Variants in PGPEP1L observed in about 807,000 individuals in gnomAD.
PGPEP1L encodes pyroglutamyl-peptidase I like, also known as pyroglutamyl-peptidase 1-like protein.
Under a neutral mutation model 6.0 loss-of-function variants are expected in PGPEP1L, and 7 were observed. The ratio of observed to expected loss-of-function variants is 1.17; its 90% CI spans 0.66 to 2.19. PGPEP1L has a LOEUF of 2.19. PGPEP1L is among the 30% of genes most tolerant of loss of function. The pLI is 0.00. For synonymous variants in PGPEP1L, 103 were observed against 83.9 expected (o/e 1.23, Z -1.24); for missense variants, 209 against 192.5 (o/e 1.09, Z -0.51).
chr15:98,985,370 C>T (rs1344484690), intron 2 of PGPEP1L, among the ~76,000 whole-genome samples: 1 of 152,182 alleles, frequency 6.6e-6, no homozygotes, highest in Non-Finnish European at 1.5e-5. Flanking sequence ...GAAACCTCAT[C>T]TCTACTAAAC....
chr15:98,989,560 G>A (rs2017792103), intron 2 of PGPEP1L, among the ~76,000 whole-genome samples: 1 of 152,220 alleles, frequency 6.6e-6, no homozygotes, highest in African/African-American at 2.4e-5. Context: ...ACACTATTCA[G>A]GGTATTATCC....
At chr15:99,001,825 C>T (rs979011448) in intron 2 of PGPEP1L, among the ~76,000 whole-genome samples, 6 of 152,182 alleles carry the variant, frequency 3.9e-5, no homozygotes, top group Non-Finnish European at 8.8e-5. Flanking sequence ...TCAAGCAATT[C>T]TCCTGCCTCA....
chr15:98,992,787 ACAG>A (rs1182152932), intron 2 of PGPEP1L, among the ~76,000 whole-genome samples: 1 of 152,202 alleles, frequency 6.6e-6, no homozygotes, highest in Non-Finnish European at 1.5e-5. Flanking sequence ...CTCAGAAATA[ACAG>A]CACACATCTA....
At chr15:98,993,450 G>C (rs2017844709) in intron 2 of PGPEP1L, among the ~76,000 whole-genome samples, 1 of 152,328 alleles carries the variant, frequency 6.6e-6, no homozygotes, top group Middle Eastern at 3.4e-3. Context: ...GGAAACAACA[G>C]ATGCTGGAGA....
chr15:99,003,285 A>G (rs187101089), intron 2 of PGPEP1L, among the ~76,000 whole-genome samples: 33 of 151,532 alleles, frequency 2.2e-4, no homozygotes, highest in Non-Finnish European at 3.8e-4. Context: ...ACACACAAAA[A>G]TCACATTCTG....
Position 98,971,045 on chromosome 15 carries a change from A to T in PGPEP1L, c.-28T>A, listed in dbSNP as rs1207218808. ...TCTGGCCATCACTTACTTGCGGCTG[A>T]TGATCTTCCCAGATTCCGGTGACCC... is the stretch of plus-strand genomic sequence containing the variant. On this transcript the variant is annotated 5_prime_UTR_variant, in exon 3 of 5. Transcript: ENST00000535714. The T allele has an allele frequency of 1.9e-6, 3 of 1,613,526 alleles. No homozygotes were observed. Among genetic ancestry groups the T allele is most frequent in the African/African-American group, 1.3e-5 (1 of 74,866 alleles).
At chr15:99,002,871 CAT>C (rs1384431638) in intron 2 of PGPEP1L, among the ~76,000 whole-genome samples, 1 of 152,154 alleles carries the variant, frequency 6.6e-6, no homozygotes, top group Non-Finnish European at 1.5e-5. Flanking sequence ...TCAAGTCATT[CAT>C]ATTCTTTGAT....
At chr15:99,000,198 T>G (rs958641719) in intron 2 of PGPEP1L, among the ~76,000 whole-genome samples, 3 of 152,188 alleles carry the variant, frequency 2.0e-5, no homozygotes, top group African/African-American at 7.2e-5. Flanking sequence ...TCTGGGCCAG[T>G]AGCTGCTGTG....
chr15:99,007,274 C>T (rs1341310754), intron 1 of PGPEP1L, 85 bp downstream of exon 1: 1 of 152,148 alleles, frequency 6.6e-6, no homozygotes, highest in Non-Finnish European at 1.5e-5. Context: ...AGAAGTTACC[C>T]GGTTTCTCAA....
chr15:98,974,460 C>T (rs569374772), intron 2 of PGPEP1L, among the ~76,000 whole-genome samples: 4 of 152,164 alleles, frequency 2.6e-5, no homozygotes, highest in South Asian at 4.2e-4. Context: ...AATAAAAAAC[C>T]TAAACAGATC....
chr15:98,987,253 T>C (rs1488413581), intron 2 of PGPEP1L, among the ~76,000 whole-genome samples: 1 of 149,866 alleles, frequency 6.7e-6, no homozygotes, highest in Non-Finnish European at 1.5e-5. Flanking sequence ...TTGGCCTTCC[T>C]CTGTTTGGGG....
chr15:98,986,358 T>C (rs1181676700), intron 2 of PGPEP1L, among the ~76,000 whole-genome samples: 1 of 152,212 alleles, frequency 6.6e-6, no homozygotes, highest in Non-Finnish European at 1.5e-5. Flanking sequence ...AGATTGAGTT[T>C]AATCATATGA....
intron 3 of PGPEP1L, among the ~76,000 whole-genome samples, chr15:98,970,393 C>T (rs2151753522): frequency 6.6e-6 from 1 of 152,276 alleles, no homozygotes; most frequent in East Asian, 1.9e-4. Context: ...TAGTGGCCAT[C>T]CAGTGAAATC....
Position 98,990,203 on chromosome 15 carries a change from C to G in PGPEP1L, c.-142+15226G>C, listed in dbSNP as rs190735325. ...CAGACTGGCAAATTGGATAAAGAGT[C>G]AAGACCCATTGGTGTCTCACGTGCA... On this transcript the variant is annotated intron_variant, in intron 2 of 4. Transcript: ENST00000535714. Among the ~76,000 whole-genome samples, 29 of 151,674 alleles carry G rather than the reference C, an allele frequency of 1.9e-4. 1 individual carries two copies. The highest frequency in any genetic ancestry group is 1.6e-3 in the Admixed American group (25 of 15,206).
chr15:99,007,773 G>C lies in PGPEP1L; in HGVS notation c.-784C>G, dbSNP rs559100370. ...ACAACAAAACTTCCACAGCACAGAA[G>C]GCGACTCCAGCAAGTTGCTACTGCT... is the stretch of plus-strand genomic sequence containing the variant. On this transcript the variant is annotated 5_prime_UTR_variant, in exon 1 of 5. Coordinates refer to ENST00000535714, the MANE Select transcript of PGPEP1L (RefSeq NM_001167902.2). 50 of 152,324 alleles carry C rather than the reference G, an allele frequency of 3.3e-4. 2 individuals are homozygous for C. Among genetic ancestry groups the C allele is most frequent in the Admixed American group, 2.7e-3 (42 of 15,296 alleles). 9.4% of individuals were successfully genotyped at this position (152,324 alleles called of 1,614,324 possible).
intron 4 of PGPEP1L, 98 bp downstream of exon 4, chr15:98,969,327 G>C: frequency 6.7e-7 from 1 of 1,489,864 alleles, no homozygotes; most frequent in Non-Finnish European, 9.3e-7. Context: ...CAAGTGGCCA[G>C]CTGGACGATA....
chr15:99,006,978 G>A (rs1441450242), intron 1 of PGPEP1L, among the ~76,000 whole-genome samples: 1 of 152,190 alleles, frequency 6.6e-6, no homozygotes, highest in Non-Finnish European at 1.5e-5. Context: ...CAGTGTGACA[G>A]CAGGACCACG....
chr15:99,006,116 T>A (rs1283139980), intron 1 of PGPEP1L, among the ~76,000 whole-genome samples: 1 of 152,210 alleles, frequency 6.6e-6, no homozygotes, highest in African/African-American at 2.4e-5. Flanking sequence ...CACCGCTGCC[T>A]AGGAGCTGTG....
intron 2 of PGPEP1L, among the ~76,000 whole-genome samples, chr15:98,983,649 G>C (rs191313883): frequency 6.6e-6 from 1 of 152,162 alleles, no homozygotes; most frequent in Admixed American, 6.5e-5. Flanking sequence ...CTACTGCACA[G>C]GTCACTATGT....
Sources: gnomAD v4.1 joint callset for allele counts (sites outside exome capture counted in the v4.1 genomes callset) on GRCh38, gnomAD v4.1.1 for gene constraint, MANE v1.5 for transcripts, NCBI Gene and HGNC (gene_info 2026-07-23, HGNC 2026-07-21) for gene names.